Variants in C1QTNF9 observed in about 807,000 individuals in gnomAD.
C1QTNF9 encodes the protein complement C1q and tumor necrosis factor-related protein 9A.
C1QTNF9 carries 6 observed loss-of-function variants against 10.1 expected under a neutral mutation model. The observed-to-expected ratio is 0.59, with a 90% CI of 0.32 to 1.17. The LOEUF (loss-of-function observed/expected upper bound fraction) is 1.17. C1QTNF9 is among the 50% of genes most tolerant of loss of function. C1QTNF9 has a pLI of 0.04. For missense variants in C1QTNF9, 201 were observed against 418.8 expected, an observed-to-expected ratio of 0.48 and a Z score of 4.54; for synonymous variants, 98 against 163.5, an observed-to-expected ratio of 0.60 and a Z score of 3.06.
In C1QTNF9 at chr13:24,321,769, C is replaced by T. The variant is rs765249484; in HGVS notation, c.*1C>T. ...GTTCCTTCTGTTCAGCAGCCCGTGACAGAGGAGAGTTTAAAAATCCGCCAC... is the reference window on the plus strand; with the variant it reads ...GTTCCTTCTGTTCAGCAGCCCGTGATAGAGGAGAGTTTAAAAATCCGCCAC... On this transcript the variant is annotated 3_prime_UTR_variant, in exon 4 of 4. Coordinates refer to ENST00000332018, the Ensembl canonical transcript of C1QTNF9. 3 of 1,551,070 alleles carry T rather than the reference C, an allele frequency of 1.9e-6. No homozygotes were observed. In the South Asian group the frequency reaches 3.7e-5, roughly 19 times the overall value.
intron 1 of C1QTNF9, among the ~76,000 whole-genome samples, chr13:24,315,112 G>A (rs1422478722): frequency 1.3e-5 from 2 of 152,198 alleles, no homozygotes; most frequent in East Asian, 1.9e-4. Context: ...CATTATGTAC[G>A]TTCTCTTTGT....
At chr13:24,310,086 G>C (rs1422120871) in intron 1 of C1QTNF9, among the ~76,000 whole-genome samples, 2 of 151,620 alleles carry the variant, frequency 1.3e-5, no homozygotes, top group Admixed American at 1.3e-4. Flanking sequence ...TAGAGATGGG[G>C]TTCCACCATC....
chr13:24,309,482 G>C (rs1384674879), upstream of C1QTNF9: 1 of 151,862 alleles, frequency 6.6e-6, no homozygotes. Context: ...GCCTTCCTCT[G>C]TTCCCTCCCC....
chr13:24,313,712 A>G (rs576837059), intron 1 of C1QTNF9, among the ~76,000 whole-genome samples: 82 of 152,302 alleles, frequency 5.4e-4, no homozygotes, highest in Admixed American at 1.4e-3. Context: ...GGTTTTCAAA[A>G]TCTCTAGAAA....
chr13:24,313,589 G>A (rs1256794504), intron 1 of C1QTNF9, among the ~76,000 whole-genome samples: 3 of 152,168 alleles, frequency 2.0e-5, no homozygotes, highest in South Asian at 4.1e-4. Context: ...TTGTGACTTC[G>A]AAGGGAAGCA....
At chr13:24,311,931 A>T (rs1272368669) in intron 1 of C1QTNF9, among the ~76,000 whole-genome samples, 1 of 152,170 alleles carries the variant, frequency 6.6e-6, no homozygotes, top group Admixed American at 6.5e-5. Flanking sequence ...GTCATTGCAC[A>T]CAATTACACG....
intron 2 of C1QTNF9, among the ~76,000 whole-genome samples, chr13:24,317,200 A>G (rs1297791679): frequency 6.6e-6 from 1 of 152,176 alleles, no homozygotes; most frequent in Non-Finnish European, 1.5e-5. Context: ...AATGAATAGC[A>G]AAACCTTACC....
chr13:24,316,555 C>A (rs1219103072), intron 2 of C1QTNF9, among the ~76,000 whole-genome samples: 4 of 152,242 alleles, frequency 2.6e-5, no homozygotes, highest in Non-Finnish European at 4.4e-5. Flanking sequence ...ATAGAGAGAT[C>A]TGATCACGAA....
chr13:24,312,799 C>CA (rs1330878489), intron 1 of C1QTNF9, among the ~76,000 whole-genome samples: 8 of 151,678 alleles, frequency 5.3e-5, no homozygotes, highest in South Asian at 4.2e-4. Flanking sequence ...TACTAAAATA[C>CA]AAAAAATTAC....
intron 2 of C1QTNF9, among the ~76,000 whole-genome samples, chr13:24,316,855 G>A (rs1878059060): frequency 6.6e-6 from 1 of 152,158 alleles, no homozygotes; most frequent in African/African-American, 2.4e-5. Flanking sequence ...TACCATTCTT[G>A]AGGCCTGGTC....
intron 3 of C1QTNF9, among the ~76,000 whole-genome samples, chr13:24,319,697 A>C (rs535619478): frequency 6.6e-6 from 1 of 152,270 alleles, no homozygotes; most frequent in South Asian, 2.1e-4. Context: ...GAGGAGTGAG[A>C]CTGAGTTTTT....
upstream of C1QTNF9, among the ~76,000 whole-genome samples, chr13:24,307,961 C>T (rs1464773418): frequency 6.6e-6 from 1 of 152,226 alleles, no homozygotes; most frequent in African/African-American, 2.4e-5. Context: ...ATTCCTGAGC[C>T]GGCTTCCCAC....
At chr13:24,318,902 T>C in intron 3 of C1QTNF9, 22 bp downstream of exon 3, 1 of 1,613,592 alleles carries the variant, frequency 6.2e-7, no homozygotes, top group East Asian at 2.2e-5. Flanking sequence ...CTATTTATGG[T>C]GCTCTAATTC....
At chr13:24,312,164 C>T (rs1593531174) in intron 1 of C1QTNF9, among the ~76,000 whole-genome samples, 1 of 152,348 alleles carries the variant, frequency 6.6e-6, no homozygotes, top group South Asian at 2.1e-4. Context: ...AAGTGATGGT[C>T]CACACACAGT....
intron 1 of C1QTNF9, among the ~76,000 whole-genome samples, chr13:24,311,023 TC>T (rs1455791956): frequency 6.6e-6 from 1 of 152,038 alleles, no homozygotes; most frequent in East Asian, 1.9e-4. Flanking sequence ...CTATTTTGAC[TC>T]TTAGATCGTC....
exon 4 of C1QTNF9, chr13:24,321,527 A>G: frequency 6.2e-7 from 1 of 1,612,718 alleles, no homozygotes; most frequent in Non-Finnish European, 8.5e-7. Flanking sequence ...TTCACCTACC[A>G]CATCACTGTT....
chr13:24,320,394 A>T (rs1403517244), intron 3 of C1QTNF9, among the ~76,000 whole-genome samples: 6 of 151,642 alleles, frequency 4.0e-5, no homozygotes, highest in African/African-American at 1.5e-4. Flanking sequence ...ATTTATTTTT[A>T]TTTTTTTTGA....
At chr13:24,317,281 GTGTATT>G (rs1878075846) in intron 2 of C1QTNF9, among the ~76,000 whole-genome samples, 1 of 151,882 alleles carries the variant, frequency 6.6e-6, no homozygotes, top group Non-Finnish European at 1.5e-5. Flanking sequence ...GTGTGTGTGT[GTGTATT>G]GTATTTCTGA....
chr13:24,317,094 A>C (rs989204735), intron 2 of C1QTNF9, among the ~76,000 whole-genome samples: 6 of 152,204 alleles, frequency 3.9e-5, no homozygotes, highest in African/African-American at 1.4e-4. Flanking sequence ...TCTAACCACC[A>C]TCCTGCACAT....
Sources: gnomAD v4.1 joint callset for allele counts (sites outside exome capture counted in the v4.1 genomes callset) on GRCh38, gnomAD v4.1.1 for gene constraint, MANE v1.5 for transcripts, NCBI Gene and HGNC (gene_info 2026-07-23, HGNC 2026-07-21) for gene names.